ASIC2: variants seen among roughly 807,000 people sequenced by gnomAD.
ASIC2 encodes acid sensing ion channel subunit 2.
In ASIC2, 25 loss-of-function variants were observed where a neutral mutation model predicts 57.3. The ratio of observed to expected loss-of-function variants is 0.44; its 90% CI spans 0.32 to 0.61. The LOEUF is 0.61. Ranked by LOEUF, ASIC2 falls within the 20% of genes least tolerant of loss-of-function variation. The pLI is 0.06. For synonymous variants in ASIC2, 319 were observed against 307.5 expected (o/e 1.04, Z -0.39); for missense variants, 641 against 738.1 (o/e 0.87, Z 1.52).
intron 1 of ASIC2, among the ~76,000 whole-genome samples, chr17:33,520,697 C>G (rs1464739691): frequency 1.3e-5 from 2 of 152,238 alleles, no homozygotes; most frequent in South Asian, 4.1e-4. Context: ...GGTGGAGGAG[C>G]AAGTGAGCGG....
chr17:34,104,466 G>C (rs368789723), intron 1 of ASIC2, among the ~76,000 whole-genome samples: 2 of 151,868 alleles, frequency 1.3e-5, no homozygotes, highest in Admixed American at 6.6e-5. Context: ...AGTTTTCCTC[G>C]CATTATTGAA....
At chr17:33,986,222 A>C (rs1905813106) in intron 1 of ASIC2, among the ~76,000 whole-genome samples, 1 of 151,042 alleles carries the variant, frequency 6.6e-6, no homozygotes, top group African/African-American at 2.4e-5. Context: ...TTTTCCTTGC[A>C]GTATTATGAG....
intron 1 of ASIC2, among the ~76,000 whole-genome samples, chr17:33,239,609 G>A (rs1163003743): frequency 1.3e-5 from 2 of 152,150 alleles, no homozygotes; most frequent in Non-Finnish European, 1.5e-5. Flanking sequence ...AAATAAATGA[G>A]GATTCTTAAG....
chr17:33,017,589 G>A lies in ASIC2; in HGVS notation c.1521+16C>T. 6.2e-7 allele frequency: 1 copy of A among 1,605,676 alleles called. No homozygotes were observed. On this transcript the variant is annotated intron_variant, in intron 8 of 9. Transcript: ENST00000225823. ...CAGCATGCGGTCATTTCCCTGTGGG[G>A]AATCCCAAATCTTACCTCATAAATA...
intron 1 of ASIC2, among the ~76,000 whole-genome samples, chr17:33,206,917 C>T (rs577503981): frequency 5.5e-4 from 83 of 152,234 alleles, no homozygotes; most frequent in African/African-American, 1.5e-3. Context: ...GGAGAGCTCA[C>T]GGGATGGGGA....
chr17:33,368,835 T>C (rs564772368), intron 1 of ASIC2, among the ~76,000 whole-genome samples: 67 of 152,236 alleles, frequency 4.4e-4, no homozygotes, highest in African/African-American at 1.6e-3. Context: ...TAGCTCAGGA[T>C]CCTCTCCCAT....
intron 9 of ASIC2, among the ~76,000 whole-genome samples, chr17:33,015,642 A>T (rs578065283): frequency 1.2e-4 from 19 of 152,140 alleles, no homozygotes; most frequent in Non-Finnish European, 2.4e-4. Context: ...AAGGGAGTAG[A>T]TGTACAGAGC....
chr17:33,978,438 G>C (rs1456192356), intron 1 of ASIC2, among the ~76,000 whole-genome samples: 1 of 152,144 alleles, frequency 6.6e-6, no homozygotes, highest in Non-Finnish European at 1.5e-5. Flanking sequence ...AGAATGTCTT[G>C]CCCTATCCCT....
chr17:33,256,626 G>T (rs1909087339), intron 1 of ASIC2, among the ~76,000 whole-genome samples: 1 of 152,192 alleles, frequency 6.6e-6, no homozygotes, highest in Admixed American at 6.5e-5. Context: ...GAGGTCAGGA[G>T]TTCAAGACCA....
chr17:34,018,929 A>G (rs539684595), intron 1 of ASIC2, among the ~76,000 whole-genome samples: 12 of 151,356 alleles, frequency 7.9e-5, no homozygotes, highest in Non-Finnish European at 1.5e-4. Context: ...TTTTTTTGAG[A>G]CGGAGTCTCG....
intron 1 of ASIC2, among the ~76,000 whole-genome samples, chr17:33,962,087 C>T (rs953490373): frequency 6.6e-6 from 1 of 152,172 alleles, no homozygotes; most frequent in Non-Finnish European, 1.5e-5. Context: ...ATGCCTTCTC[C>T]CACCCCAGAA....
chr17:33,486,533 T>A (rs1913581400), intron 1 of ASIC2, among the ~76,000 whole-genome samples: 1 of 152,198 alleles, frequency 6.6e-6, no homozygotes, highest in Non-Finnish European at 1.5e-5. Context: ...CTGGCTCCAA[T>A]GGTCAAGAGA....
rs562492943 is a variant in ASIC2, at chr17:33,475,967, C to T, written c.556-363900G>A. ...ATTATCAAAATTTCCAGACTTACAC[C>T]GACATCATGAGAGGAAAAGTGAAAG... On this transcript the variant is annotated intron_variant, in intron 1 of 9. Coordinates refer to the ASIC2 transcript ENST00000359872. Among the ~76,000 whole-genome samples, 11 of 152,238 alleles carry T rather than the reference C, an allele frequency of 7.2e-5. 1 individual carries two copies. In the South Asian group the frequency reaches 1.5e-3, roughly 20 times the overall value.
intron 1 of ASIC2, among the ~76,000 whole-genome samples, chr17:33,143,572 CAGTTAACAACTG>C (rs1353622504): frequency 6.6e-6 from 1 of 152,142 alleles, no homozygotes; most frequent in Non-Finnish European, 1.5e-5. Flanking sequence ...GTCACAGAGC[CAGTTAACAACTG>C]AGTTAACTCC....
At chr17:33,404,068 A>G (rs1910379415) in intron 1 of ASIC2, among the ~76,000 whole-genome samples, 1 of 152,194 alleles carries the variant, frequency 6.6e-6, no homozygotes, top group Admixed American at 6.5e-5. Flanking sequence ...ACATAGAGAG[A>G]TATTCGTGTT....
intron 1 of ASIC2, among the ~76,000 whole-genome samples, chr17:33,542,900 A>C (rs2141970439): frequency 6.6e-6 from 1 of 151,914 alleles, no homozygotes; most frequent in African/African-American, 2.4e-5. Flanking sequence ...TAAATCTTTA[A>C]TCCATCTTGA....
At chr17:33,327,519 A>G (rs184197190) in intron 1 of ASIC2, among the ~76,000 whole-genome samples, 31 of 152,338 alleles carry the variant, frequency 2.0e-4, no homozygotes, top group Non-Finnish European at 4.3e-4. Flanking sequence ...TGGATTTTCC[A>G]CCTATCATGT....
At chr17:33,038,886 G>GGCC (rs2091919877) in intron 3 of ASIC2, among the ~76,000 whole-genome samples, 1 of 105,410 alleles carries the variant, frequency 9.5e-6, no homozygotes, top group African/African-American at 5.0e-5. Context: ...AGCTGCCCAA[G>GGCC]GCCTCCGCAG....
intron 1 of ASIC2, among the ~76,000 whole-genome samples, chr17:33,947,918 G>A (rs1418560485): frequency 6.6e-6 from 1 of 152,100 alleles, no homozygotes; most frequent in African/African-American, 2.4e-5. Context: ...AATATTTACT[G>A]GATATTCTAG....
Sources: allele counts gnomAD v4.1 joint callset (sites outside exome capture counted in the v4.1 genomes callset), GRCh38; gene constraint gnomAD v4.1.1; transcripts MANE v1.5; gene names NCBI Gene and HGNC (gene_info 2026-07-23, HGNC 2026-07-21).